The following SMURF1 variants were observed in gnomAD, a reference collection of about 807,000 sequenced individuals.
The protein encoded by SMURF1 is E3 ubiquitin-protein ligase SMURF1.
A neutral mutation model predicts 98.0 loss-of-function variants in SMURF1; 44 were observed. That is an observed-to-expected ratio of 0.45 (90% CI 0.35 to 0.58). SMURF1 has a LOEUF of 0.58. SMURF1 is among the 20% of genes least tolerant of loss of function. The pLI is 0.00. For synonymous variants in SMURF1, 396 were observed against 374.9 expected, an observed-to-expected ratio of 1.06 and a Z score of -0.65; for missense variants, 687 against 938.4, an observed-to-expected ratio of 0.73 and a Z score of 3.50.
chr7:99,037,612 AAGAC>A (rs1326689854), intron 14 of SMURF1, among the ~76,000 whole-genome samples: 4 of 152,226 alleles, frequency 2.6e-5, no homozygotes, highest in African/African-American at 9.6e-5. Flanking sequence ...GGATCTCTCC[AAGAC>A]AGACAAACAC....
chr7:99,136,999 G>C (rs1798007283), intron 1 of SMURF1, among the ~76,000 whole-genome samples: 2 of 151,932 alleles, frequency 1.3e-5, no homozygotes, highest in Non-Finnish European at 2.9e-5. Flanking sequence ...ACATTACCTG[G>C]CCTGGGAAAA....
At chr7:99,052,154 T>C in intron 7 of SMURF1, 51 bp downstream of exon 7, 3 of 1,447,450 alleles carry the variant, frequency 2.1e-6, no homozygotes, top group Admixed American at 2.5e-5. Context: ...AAAAGTCAAC[T>C]CATGGAAACA....
rs745638365 is a variant in SMURF1 at position 99,143,767 on chromosome 7, C to A, written c.14G>T (p.Gly5Val). 6.4e-7 allele frequency: 1 copy of A among 1,559,718 alleles called. No individual in the cohort carries two copies. Among genetic ancestry groups the A allele is most frequent in the Non-Finnish European group, 8.7e-7 (1 of 1,155,456 alleles). Residue 5 changes from glycine (G) to valine (V), a missense_variant, in exon 1 of 18, where the codon GGG (glycine) becomes GTG (valine). Gly to Val is a moderately radical substitution (Grantham distance 109). This residue lies in a region of SMURF1 where 415 missense variants were observed against 508.4 expected (regional missense o/e 0.82). Transcript: ENST00000361368. MSNP[G>V]TRRNGSSIKI... is the part of the protein sequence containing the mutation. The stretch of plus-strand genomic sequence containing the variant: ...GATGCTGGAGCCGTTCCTGCGTGTC[C>A]CGGGGTTCGACATCTCCCGCCAACG...
intron 13 of SMURF1, among the ~76,000 whole-genome samples, chr7:99,039,377 ACT>A (rs1279182900): frequency 6.6e-6 from 1 of 151,486 alleles, no homozygotes; most frequent in Non-Finnish European, 1.5e-5. Flanking sequence ...ACAGAGACTC[ACT>A]CTGTCATCCA....
intron 7 of SMURF1, 146 bp downstream of exon 7, chr7:99,052,059 A>G (rs1196068610): frequency 7.4e-6 from 8 of 1,083,774 alleles, no homozygotes; most frequent in Non-Finnish European, 1.0e-5. Context: ...CGCTTGAGCT[A>G]GGGAGGTCAA....
intron 1 of SMURF1, among the ~76,000 whole-genome samples, chr7:99,098,571 G>C (rs1049823433): frequency 6.6e-6 from 1 of 151,934 alleles, no homozygotes; most frequent in African/African-American, 2.4e-5. Context: ...ACAAACCTTA[G>C]CTCCGTATTC....
At chr7:99,126,965 A>G (rs1235711080) in intron 1 of SMURF1, among the ~76,000 whole-genome samples, 1 of 7,430 alleles carries the variant, frequency 1.3e-4, no homozygotes, top group East Asian at 0.012. Flanking sequence ...GTTGGGTCTG[A>G]GCAGGGGCCG....
chr7:99,120,008 T>C (rs1410289390), intron 1 of SMURF1, among the ~76,000 whole-genome samples: 7 of 152,172 alleles, frequency 4.6e-5, no homozygotes, highest in Non-Finnish European at 8.8e-5. Flanking sequence ...CTGGGAGATA[T>C]TGGGTCATGG....
At chr7:99,059,243 C>CA (rs1226329477) in intron 3 of SMURF1, among the ~76,000 whole-genome samples, 2 of 149,594 alleles carry the variant, frequency 1.3e-5, no homozygotes, top group African/African-American at 4.9e-5. Flanking sequence ...ACTAAAACTA[C>CA]AAAAAATAGC....
chr7:99,047,551 T>C (rs749832038), intron 10 of SMURF1, 133 bp downstream of exon 10: 41 of 897,062 alleles, frequency 4.6e-5, no homozygotes, highest in Non-Finnish European at 6.4e-5. Context: ...AAGGGTTCCC[T>C]GAAACGCAGA....
Position 99,069,174 on chromosome 7 carries a change from TC to T in SMURF1, c.56-7338del, listed in dbSNP as rs575992579. Among the ~76,000 whole-genome samples, 1,286 of 152,244 alleles carry T rather than the reference TC, an allele frequency of 8.4e-3. 9 individuals are homozygous for T. The highest frequency in any genetic ancestry group is 0.011 in the Non-Finnish European group (770 of 68,024). ...TAAAAACTGGGCAATATTATACTGATCCCCACATGTACATAAATGTTTCGAC... is the reference window on the plus strand; with the variant it reads ...TAAAAACTGGGCAATATTATACTGATCCCACATGTACATAAATGTTTCGAC... On this transcript the variant is annotated intron_variant, in intron 1 of 17. Coordinates refer to ENST00000361368, the MANE Select transcript of SMURF1 (RefSeq NM_181349.3).
chr7:99,090,703 T>C (rs2150578010), intron 1 of SMURF1, among the ~76,000 whole-genome samples: 1 of 152,320 alleles, frequency 6.6e-6, no homozygotes, highest in South Asian at 2.1e-4. Flanking sequence ...AATTTCAATT[T>C]TCCTTTCCTA....
At chr7:99,130,428 G>A (rs767836206) in intron 1 of SMURF1, among the ~76,000 whole-genome samples, 8 of 152,176 alleles carry the variant, frequency 5.3e-5, no homozygotes, top group Non-Finnish European at 1.0e-4. Context: ...ACTCCAGCCT[G>A]GGTGACAAAA....
chr7:99,051,591 T>G, intron 7 of SMURF1, 150 bp from the exon 8 acceptor site: 1 of 665,830 alleles, frequency 1.5e-6, no homozygotes, highest in Non-Finnish European at 2.7e-6. Context: ...GGCCGAATAA[T>G]CCCCTCTTCT....
At chr7:99,030,985 A>G (rs1434775449) in intron 17 of SMURF1, 10 of 278,598 alleles carry the variant, frequency 3.6e-5, no homozygotes, top group African/African-American at 6.5e-5. Context: ...ACTGTGCCCA[A>G]TCAACACACA....
At chr7:99,095,149 G>C (rs765936566) in intron 1 of SMURF1, among the ~76,000 whole-genome samples, 1 of 151,984 alleles carries the variant, frequency 6.6e-6, no homozygotes, top group Non-Finnish European at 1.5e-5. Flanking sequence ...GCGCGATCTC[G>C]GCTCACTGCA....
At chr7:99,033,007 A>G (rs563548809) in intron 17 of SMURF1, 30 bp downstream of exon 17, 3 of 1,599,496 alleles carry the variant, frequency 1.9e-6, no homozygotes, top group South Asian at 1.1e-5. Flanking sequence ...GGCTCCCAGG[A>G]CGCCGTGACT....
chr7:99,074,248 C>CT (rs1259207670), intron 1 of SMURF1, among the ~76,000 whole-genome samples: 1 of 152,212 alleles, frequency 6.6e-6, no homozygotes, highest in East Asian at 1.9e-4. Context: ...TGGCCATGCT[C>CT]TATGTCCTGA....
intron 1 of SMURF1, among the ~76,000 whole-genome samples, chr7:99,126,121 G>C (rs1277160504): frequency 2.0e-5 from 3 of 152,296 alleles, no homozygotes; most frequent in African/African-American, 7.2e-5. Context: ...TGGCTGTTAA[G>C]TTTCTGGTAG....
Sources: gnomAD v4.1 joint callset for allele counts (sites outside exome capture counted in the v4.1 genomes callset) on GRCh38, gnomAD v4.1.1 for gene constraint, gnomAD v4.1.1 regional missense constraint, MANE v1.5 for transcripts, NCBI Gene and HGNC (gene_info 2026-07-23, HGNC 2026-07-21) for gene names.